Variants in KCNJ6 observed in about 807,000 individuals in gnomAD.
The protein encoded by KCNJ6 is G protein-activated inward rectifier potassium channel 2.
KCNJ6 carries 9 observed loss-of-function variants against 34.2 expected under a neutral mutation model. The observed-to-expected ratio is 0.26, with a 90% CI of 0.16 to 0.46. The LOEUF (loss-of-function observed/expected upper bound fraction) is 0.46, where lower values mean the gene tolerates loss of function less well. Among genes scored for constraint, KCNJ6 ranks in the 20% least tolerant of loss-of-function variants. KCNJ6 has a pLI of 1.00. For synonymous variants in KCNJ6, 196 were observed against 207.1 expected, an observed-to-expected ratio of 0.95 and a Z score of 0.46; for missense variants, 236 against 531.3, an observed-to-expected ratio of 0.44 and a Z score of 5.46.
chr21:37,806,098 C>T (rs773734115), intron 2 of KCNJ6, among the ~76,000 whole-genome samples: 9 of 152,200 alleles, frequency 5.9e-5, no homozygotes, highest in Non-Finnish European at 1.0e-4. Flanking sequence ...AATTACTCTT[C>T]TGCTTCTATG....
Position 37,623,670 on chromosome 21 carries a change from A to G in KCNJ6, c.*1489T>C, listed in dbSNP as rs1465024694. ...CCTTTTTGCAGATTAAAGTGAATTA[A>G]GGCTGGAATTTTTTTATTTGTTTTC... is the stretch of plus-strand genomic sequence containing the variant. On this transcript the variant is annotated 3_prime_UTR_variant, in exon 4 of 4. Coordinates refer to ENST00000609713, the MANE Select transcript of KCNJ6 (RefSeq NM_002240.5). 6.6e-6 allele frequency: 1 copy of G among 151,862 alleles called. No individual in the cohort carries two copies. The highest frequency in any genetic ancestry group is 2.4e-5 in the African/African-American group (1 of 41,290). 9.4% of individuals were successfully genotyped at this position (151,862 alleles called of 1,614,324 possible). A position where few individuals can be genotyped will look rare whatever the true frequency, so the allele number is the denominator to read the frequency against.
intron 2 of KCNJ6, among the ~76,000 whole-genome samples, chr21:37,824,804 A>AT (rs1376929153): frequency 1.3e-5 from 2 of 152,058 alleles, no homozygotes; most frequent in East Asian, 3.9e-4. Context: ...TGAGTCAATT[A>AT]AACCTCTTTT....
intron 3 of KCNJ6, among the ~76,000 whole-genome samples, chr21:37,682,001 A>ACGTCC (rs2054592774): frequency 6.6e-6 from 1 of 152,164 alleles, no homozygotes. Flanking sequence ...TACACTGGGG[A>ACGTCC]CTGGCCTTGG....
intron 3 of KCNJ6, among the ~76,000 whole-genome samples, chr21:37,703,578 C>T (rs918820349): frequency 6.6e-6 from 1 of 152,152 alleles, no homozygotes; most frequent in East Asian, 1.9e-4. Context: ...CTGTGGATTT[C>T]GTTTCATTAT....
At chr21:37,732,947 G>A (rs1026320591) in intron 2 of KCNJ6, among the ~76,000 whole-genome samples, 1 of 152,108 alleles carries the variant, frequency 6.6e-6, no homozygotes, top group Non-Finnish European at 1.5e-5. Context: ...GAAAAGGGGG[G>A]GCTGGCAAGC....
intron 3 of KCNJ6, among the ~76,000 whole-genome samples, chr21:37,712,532 T>C (rs1158494477): frequency 1.1e-5 from 1 of 88,818 alleles, no homozygotes; most frequent in Admixed American, 1.1e-4. Context: ...TCCCTTTCTC[T>C]TCCCTCCCTC....
intron 3 of KCNJ6, among the ~76,000 whole-genome samples, chr21:37,643,341 C>T (rs1257252230): frequency 1.3e-5 from 2 of 152,190 alleles, no homozygotes; most frequent in Non-Finnish European, 2.9e-5. Flanking sequence ...AGGGAAGCCA[C>T]CCTGTGGACA....
intron 3 of KCNJ6, among the ~76,000 whole-genome samples, chr21:37,638,338 G>C (rs2054366924): frequency 6.6e-6 from 1 of 151,982 alleles, no homozygotes; most frequent in Non-Finnish European, 1.5e-5. Context: ...GTAGAGATGG[G>C]GTTTCACCAT....
At chr21:37,816,510 T>C (rs2055347729) in intron 2 of KCNJ6, among the ~76,000 whole-genome samples, 1 of 152,228 alleles carries the variant, frequency 6.6e-6, no homozygotes, top group Admixed American at 6.5e-5. Flanking sequence ...GTATTTTCTC[T>C]CCTCCTCGCC....
chr21:37,863,846 G>GTTTTTTTTTTTTTATTTTTTTTTT (rs772060420), intron 1 of KCNJ6, among the ~76,000 whole-genome samples: 1 of 97,042 alleles, frequency 1.0e-5, no homozygotes, highest in African/African-American at 4.3e-5. Context: ...AAATATAAAG[G>GTTTTTTTTTTTTTATTTTTTTTTT]TTTTTTTTTT....
intron 2 of KCNJ6, among the ~76,000 whole-genome samples, chr21:37,837,115 GTACATATATTTTCTC>G (rs2055455781): frequency 6.6e-6 from 1 of 151,494 alleles, no homozygotes; most frequent in African/African-American, 2.4e-5. Flanking sequence ...ATCATATACC[GTACATATATTTTCTC>G]TATGCTTTGT....
chr21:37,670,753 A>C (rs1343153152), intron 3 of KCNJ6, among the ~76,000 whole-genome samples: 1 of 152,238 alleles, frequency 6.6e-6, no homozygotes, highest in Non-Finnish European at 1.5e-5. Context: ...TGACAGAATA[A>C]GACCCTGTCT....
intron 2 of KCNJ6, among the ~76,000 whole-genome samples, chr21:37,830,189 T>G (rs1041475549): frequency 6.6e-6 from 1 of 152,166 alleles, no homozygotes; most frequent in Non-Finnish European, 1.5e-5. Flanking sequence ...GTCTCCACAG[T>G]CAGGTGGCTG....
At chr21:37,818,193 C>CGTGTGTGT (rs200661921) in intron 2 of KCNJ6, among the ~76,000 whole-genome samples, 7 of 97,340 alleles carry the variant, frequency 7.2e-5, no homozygotes, top group Non-Finnish European at 1.0e-4. Flanking sequence ...CTTAAAAGTG[C>CGTGTGTGT]GTGTGTGTGT....
At chr21:37,663,335 A>G (rs2054498709) in intron 3 of KCNJ6, among the ~76,000 whole-genome samples, 1 of 152,172 alleles carries the variant, frequency 6.6e-6, no homozygotes, top group Non-Finnish European at 1.5e-5. Context: ...ATGTCAAATT[A>G]AAAATATGTG....
intron 2 of KCNJ6, among the ~76,000 whole-genome samples, chr21:37,817,709 C>T (rs951119035): frequency 6.6e-6 from 1 of 152,160 alleles, no homozygotes; most frequent in Non-Finnish European, 1.5e-5. Flanking sequence ...CGTGGCATTG[C>T]TGTTGTTGCC....
chr21:37,609,513 T>C lies in KCNJ6; in HGVS notation c.*15646A>G, dbSNP rs1039470800. ...AACAACCCTATATTTTACTGGGCCATAGTAAACATTTTGGGCCTTAATATA... is the reference window on the plus strand; with the variant it reads ...AACAACCCTATATTTTACTGGGCCACAGTAAACATTTTGGGCCTTAATATA... On this transcript the variant is annotated 3_prime_UTR_variant, in exon 4 of 4. Transcript: ENST00000609713. 1.3e-5 allele frequency: 2 copies of C among 152,172 alleles called. No homozygotes were observed. Among genetic ancestry groups the C allele is most frequent in the African/African-American group, 4.8e-5 (2 of 41,442 alleles). The allele number at this position is 152,172 out of a possible 1,614,324, so 9.4% of individuals were successfully genotyped here.
chr21:37,613,694 A>G lies in KCNJ6; in HGVS notation c.*11465T>C, dbSNP rs541765137. ...GGCTGCGTACTGCATGAGTCCAATT[A>G]TATGCCATTCTGGAAAAGGCAAAAC... On this transcript the variant is annotated 3_prime_UTR_variant, in exon 4 of 4. Coordinates refer to ENST00000609713, the MANE Select transcript of KCNJ6 (RefSeq NM_002240.5). 1.3e-5 allele frequency: 2 copies of G among 152,370 alleles called. No homozygotes were observed. The highest frequency in any genetic ancestry group is 3.9e-4 in the East Asian group (2 of 5,192). 9.4% of individuals were successfully genotyped at this position (152,370 alleles called of 1,614,324 possible).
chr21:37,627,159 CTG>C (rs2054314927), intron 3 of KCNJ6, among the ~76,000 whole-genome samples: 1 of 152,204 alleles, frequency 6.6e-6, no homozygotes, highest in African/African-American at 2.4e-5. Flanking sequence ...GAAGAAGAAA[CTG>C]GGGTGCCAGG....
Sources: gnomAD v4.1 joint callset for allele counts (sites outside exome capture counted in the v4.1 genomes callset) on GRCh38, gnomAD v4.1.1 for gene constraint, MANE v1.5 for transcripts, NCBI Gene and HGNC (gene_info 2026-07-23, HGNC 2026-07-21) for gene names.